IMMP2L: variants seen among roughly 807,000 people sequenced by gnomAD.
IMMP2L encodes the protein inner mitochondrial membrane peptidase subunit 2, also known as mitochondrial inner membrane protease subunit 2.
IMMP2L carries 18 observed loss-of-function variants against 19.3 expected under a neutral mutation model. The ratio of observed to expected loss-of-function variants is 0.93; its 90% confidence interval spans 0.64 to 1.38. IMMP2L has a LOEUF of 1.38. Ranked by LOEUF, IMMP2L falls within the 40% of genes most tolerant of loss-of-function variation. The pLI, the probability that IMMP2L is intolerant of heterozygous loss-of-function variation, is 0.00. For synonymous variants in IMMP2L, 76 were observed against 73.0 expected (o/e 1.04, Z -0.21); for missense variants, 233 against 218.2 (o/e 1.07, Z -0.43).
At chr7:111,368,994 A>G (rs1216043422) in intron 3 of IMMP2L, among the ~76,000 whole-genome samples, 1 of 151,968 alleles carries the variant, frequency 6.6e-6, no homozygotes, top group Admixed American at 6.6e-5. Context: ...ATTATGTTTT[A>G]TAGAAAGGAC....
At chr7:110,966,956 C>G (rs1819604088) in intron 3 of IMMP2L, among the ~76,000 whole-genome samples, 1 of 152,008 alleles carries the variant, frequency 6.6e-6, no homozygotes. Flanking sequence ...AATGGATGTT[C>G]CCCAATAAAT....
At chr7:111,551,960 G>GAAATACAAAGA (rs1790714101) in intron 1 of IMMP2L, among the ~76,000 whole-genome samples, 2 of 152,146 alleles carry the variant, frequency 1.3e-5, no homozygotes, top group African/African-American at 4.8e-5. Context: ...AAGGCATTCA[G>GAAATACAAAGA]AGGTTTCCTC....
Position 111,392,014 on chromosome 7 carries a change from T to C in IMMP2L, c.239+95224A>G, listed in dbSNP as rs529247300. ...AGTGTCTCCTTGCTTCAATGTCCTC[T>C]CCTACCTTTGTATATGCAAATTCTT... On this transcript the variant is annotated intron_variant, in intron 3 of 5. Coordinates refer to ENST00000405709, the MANE Select transcript of IMMP2L (RefSeq NM_032549.4). 4.3e-6 allele frequency: 3 copies of C among 702,666 alleles called. No individual in the cohort carries two copies. In the Admixed American group the frequency reaches 6.0e-5, roughly 14 times the overall value. 43.5% of individuals were successfully genotyped at this position (702,666 alleles called of 1,614,324 possible).
At chr7:110,774,761 A>C (rs1799265570) in intron 5 of IMMP2L, among the ~76,000 whole-genome samples, 1 of 152,076 alleles carries the variant, frequency 6.6e-6, no homozygotes, top group Non-Finnish European at 1.5e-5. Flanking sequence ...GGTGTATAGT[A>C]GGTATACCAT....
intron 4 of IMMP2L, among the ~76,000 whole-genome samples, chr7:110,913,239 G>A (rs918466645): frequency 6.6e-5 from 10 of 152,140 alleles, no homozygotes; most frequent in African/African-American, 2.4e-4. Context: ...AAGAGGCTAT[G>A]TACATGCCCA....
chr7:111,078,407 A>G (rs1279173588), intron 3 of IMMP2L, among the ~76,000 whole-genome samples: 1 of 152,202 alleles, frequency 6.6e-6, no homozygotes, highest in Non-Finnish European at 1.5e-5. Flanking sequence ...CGGTCCACTG[A>G]TTATTGCTAC....
chr7:111,091,345 A>C lies in IMMP2L; in HGVS notation c.240-127780T>G, dbSNP rs145489261. ...GATAAGATTGCGTGCATGTGTGCAT[A>C]TCTATAGTATATATTTTGTACACTT... On this transcript the variant is annotated intron_variant, in intron 3 of 5. Coordinates refer to ENST00000405709, the MANE Select transcript of IMMP2L (RefSeq NM_032549.4). The C allele has an allele frequency of 2.4e-3, 366 of 152,256 alleles. 1 individual carries two copies. The highest frequency in any genetic ancestry group is 8.2e-3 in the African/African-American group (342 of 41,562). 9.4% of individuals were successfully genotyped at this position (152,256 alleles called of 1,614,324 possible).
chr7:110,765,168 C>G (rs1798583671), intron 5 of IMMP2L, among the ~76,000 whole-genome samples: 1 of 152,104 alleles, frequency 6.6e-6, no homozygotes, highest in Non-Finnish European at 1.5e-5. Flanking sequence ...GAGTACACAT[C>G]TACTATGTAA....
intron 3 of IMMP2L, among the ~76,000 whole-genome samples, chr7:111,481,090 G>C (rs1352712924): frequency 6.6e-6 from 1 of 152,162 alleles, no homozygotes; most frequent in Non-Finnish European, 1.5e-5. Flanking sequence ...CTATCAGAAA[G>C]TGGTAATGAG....
chr7:111,016,385 T>C (rs1032702574), intron 3 of IMMP2L, among the ~76,000 whole-genome samples: 6 of 142,378 alleles, frequency 4.2e-5, no homozygotes, highest in South Asian at 2.1e-4. Flanking sequence ...TTATATGATA[T>C]ATATTTTTAT....
intron 3 of IMMP2L, among the ~76,000 whole-genome samples, chr7:111,331,382 T>C (rs1245195380): frequency 2.6e-5 from 4 of 151,842 alleles, no homozygotes; most frequent in African/African-American, 4.8e-5. Flanking sequence ...ACCTAACTCA[T>C]AGAAGCAGAG....
chr7:111,201,257 C>A (rs1450969825), intron 3 of IMMP2L, among the ~76,000 whole-genome samples: 1 of 150,688 alleles, frequency 6.6e-6, no homozygotes, highest in Non-Finnish European at 1.5e-5. Context: ...TTATCACCAA[C>A]CAACATTTAA....
At chr7:111,216,122 C>T (rs1337686146) in intron 3 of IMMP2L, among the ~76,000 whole-genome samples, 2 of 152,138 alleles carry the variant, frequency 1.3e-5, no homozygotes, top group African/African-American at 4.8e-5. Context: ...AGATACCTCA[C>T]CGTAATTATC....
chr7:111,445,282 T>C (rs7806971), intron 3 of IMMP2L, among the ~76,000 whole-genome samples: 7,106 of 152,110 alleles, frequency 0.047, 266 homozygotes, highest in South Asian at 0.084. Context: ...TCTCATATAT[T>C]TTTCCACTAC....
At position 110,922,156 on chromosome 7, in the gene IMMP2L, A is replaced by G. The variant is rs531050901; in HGVS notation, c.306-35461T>C. 2.7e-4 allele frequency among the ~76,000 whole-genome samples: 41 copies of G among 152,354 alleles called. 2 individuals carry two copies. Among genetic ancestry groups the G allele is most frequent in the African/African-American group, 8.7e-4 (36 of 41,596 alleles). Reference sequence around the variant, plus strand: ...AAAAATTCCACTTTGCTTTGAAAATAGAAGCATTTAAAGAACTGTAGAAAT... The same window carrying G: ...AAAAATTCCACTTTGCTTTGAAAATGGAAGCATTTAAAGAACTGTAGAAAT... On this transcript the variant is annotated intron_variant, in intron 4 of 5. Coordinates refer to ENST00000405709, the MANE Select transcript of IMMP2L (RefSeq NM_032549.4).
chr7:110,664,276 T>C (rs1791283867), intron 5 of IMMP2L, among the ~76,000 whole-genome samples: 1 of 151,958 alleles, frequency 6.6e-6, no homozygotes, highest in Admixed American at 6.6e-5. Context: ...TCCCACCTAC[T>C]AGATGAGCAG....
chr7:111,083,737 G>T (rs1029213276), intron 3 of IMMP2L, among the ~76,000 whole-genome samples: 1 of 152,150 alleles, frequency 6.6e-6, no homozygotes, highest in African/African-American at 2.4e-5. Flanking sequence ...GGTCTACCAA[G>T]TTTCAGTGTC....
At chr7:110,943,378 A>G (rs183662842) in intron 4 of IMMP2L, among the ~76,000 whole-genome samples, 1 of 152,152 alleles carries the variant, frequency 6.6e-6, no homozygotes, top group Non-Finnish European at 1.5e-5. Context: ...AGACTTTAGT[A>G]GAGTGTATCC....
At chr7:111,188,487 C>G (rs1370984981) in intron 3 of IMMP2L, among the ~76,000 whole-genome samples, 2 of 152,072 alleles carry the variant, frequency 1.3e-5, no homozygotes, top group African/African-American at 4.8e-5. Context: ...TATACGAGGG[C>G]TCCATCCTTG....
Sources: allele counts gnomAD v4.1 joint callset (sites outside exome capture counted in the v4.1 genomes callset), GRCh38; gene constraint gnomAD v4.1.1; transcripts MANE v1.5; gene names NCBI Gene and HGNC (gene_info 2026-07-23, HGNC 2026-07-21).